The following NRXN2 variants were observed in gnomAD, a reference collection of about 807,000 sequenced individuals.
NRXN2 encodes neurexin-2-beta.
Under a neutral mutation model 128.8 loss-of-function variants are expected in NRXN2, and 29 were observed. The ratio of observed to expected loss-of-function variants is 0.23; its 90% confidence interval spans 0.17 to 0.31. The LOEUF (loss-of-function observed/expected upper bound fraction) is 0.31, where lower values mean the gene tolerates loss of function less well. Among genes scored for constraint, NRXN2 ranks in the 10% least tolerant of loss-of-function variants. NRXN2 has a pLI of 1.00. For missense variants in NRXN2, 1,881 were observed against 2,452.6 expected (o/e 0.77, Z 4.92); for synonymous variants, 1,098 against 1,075.2 (o/e 1.02, Z -0.41).
chr11:64,642,618 G>C, intron 17 of NRXN2: 1 of 1,610,096 alleles, frequency 6.2e-7, no homozygotes, highest in Non-Finnish European at 8.5e-7. Flanking sequence ...AGTGGTGGAC[G>C]TGGTGGGTGG....
In NRXN2 at chr11:64,607,370, G is replaced by A. The variant is rs778834247; in HGVS notation, c.4965C>T (p.Tyr1655=). The A allele has an allele frequency of 6.2e-6, 10 of 1,613,852 alleles. No homozygotes were observed. The highest frequency in any genetic ancestry group is 8.5e-6 in the Non-Finnish European group (10 of 1,179,962). Residue 1655 remains tyrosine, a synonymous_variant, in exon 23 of 23, where the codon TAC becomes TAT. Transcript: ENST00000265459. ...AAALCILILL[Y]AMYKYRNRDE... ...CACGATTGCGGTACTTATACATGGC[G>A]TAGAGGAGGATGAGGATGCAGAGCG...
At chr11:64,626,385 G>C in intron 20 of NRXN2, 78 bp downstream of exon 20, 1 of 1,197,724 alleles carries the variant, frequency 8.3e-7, no homozygotes, top group African/African-American at 1.5e-5. Context: ...AGGCACGGAG[G>C]GGGAAAGAGA....
chr11:64,696,991 G>C (rs1000513075), intron 3 of NRXN2, among the ~76,000 whole-genome samples: 1 of 152,184 alleles, frequency 6.6e-6, no homozygotes, highest in African/African-American at 2.4e-5. Flanking sequence ...GGGAAGGAGA[G>C]ACACATGGTC....
intron 17 of NRXN2, among the ~76,000 whole-genome samples, chr11:64,638,456 C>T (rs1233878168): frequency 6.6e-6 from 1 of 152,154 alleles, no homozygotes; most frequent in African/African-American, 2.4e-5. Flanking sequence ...GCGTGGCTTC[C>T]GCCAGGCCCC....
In NRXN2 at chr11:64,622,574, C is replaced by T. The variant is rs1339429239; in HGVS notation, c.4173+179G>A. Among the ~76,000 whole-genome samples, 1 of 152,256 alleles carries T rather than the reference C, an allele frequency of 6.6e-6. No individual in the cohort carries two copies. Among genetic ancestry groups the T allele is most frequent in the Non-Finnish European group, 1.5e-5 (1 of 68,040 alleles). On this transcript the variant is annotated intron_variant, in intron 21 of 22. Coordinates refer to ENST00000265459, the MANE Select transcript of NRXN2 (RefSeq NM_015080.4). This position sits in a 1 kb window ranked among gnomAD's most constrained non-coding sequence, Gnocchi z 4.3. ...AGATCCCTGGTCATTAGGGTGAAGGCCACTTCCTGAAAGGTGACCTTGCCC... is the reference window on the plus strand; with the variant it reads ...AGATCCCTGGTCATTAGGGTGAAGGTCACTTCCTGAAAGGTGACCTTGCCC...
At chr11:64,615,753 C>A (rs2041373737) in intron 22 of NRXN2, among the ~76,000 whole-genome samples, 1 of 152,156 alleles carries the variant, frequency 6.6e-6, no homozygotes, top group Non-Finnish European at 1.5e-5. Context: ...TGTGTGTGCC[C>A]TTCTGTGTGC....
intron 2 of NRXN2, among the ~76,000 whole-genome samples, chr11:64,706,231 T>C (rs1454293490): frequency 3.1e-5 from 4 of 127,604 alleles, no homozygotes; most frequent in Non-Finnish European, 6.3e-5. Context: ...TGCAGGTTAG[T>C]TACATATGTA....
At position 64,607,928 on chromosome 11, in the gene NRXN2, G is replaced by T. The variant is rs1304027724; in HGVS notation, c.4407C>A (p.Arg1469=). The T allele has an allele frequency of 1.9e-6, 3 of 1,551,884 alleles. No homozygotes were observed. Among genetic ancestry groups the T allele is most frequent in the African/African-American group, 2.7e-5 (2 of 73,548 alleles). ...TQDTLPPPAA[R]RPPSGGPCQA... Reference sequence around the variant, plus strand: ...GGCACGGGCCCCCAGAGGGCGGGCGGCGCGCGGCGGGCGGGGGCAGCGTGT... The same window carrying T: ...GGCACGGGCCCCCAGAGGGCGGGCGTCGCGCGGCGGGCGGGGGCAGCGTGT... The change falls in exon 23 of 23, where the codon CGC becomes CGA. Residue 1469 remains arginine (R), a synonymous_variant. Transcript: ENST00000265459.
At chr11:64,653,180 C>G (rs989318179) in intron 12 of NRXN2, among the ~76,000 whole-genome samples, 2 of 152,122 alleles carry the variant, frequency 1.3e-5, no homozygotes, top group African/African-American at 2.4e-5. Flanking sequence ...ATAGAAGGAG[C>G]CCCCATTTGG....
intron 19 of NRXN2, among the ~76,000 whole-genome samples, chr11:64,628,376 C>A (rs1037361274): frequency 6.6e-6 from 1 of 151,694 alleles, no homozygotes; most frequent in Non-Finnish European, 1.5e-5. Flanking sequence ...ATCAGAGGGT[C>A]CCCCCCCACT....
At chr11:64,618,264 T>C (rs2041829449) in intron 22 of NRXN2, among the ~76,000 whole-genome samples, 1 of 152,198 alleles carries the variant, frequency 6.6e-6, no homozygotes, top group Admixed American at 6.5e-5. Flanking sequence ...GGGCAGAGTA[T>C]GGCCCAGGTG....
intron 18 of NRXN2, among the ~76,000 whole-genome samples, chr11:64,634,544 C>A (rs1197383719): frequency 6.6e-6 from 1 of 152,036 alleles, no homozygotes; most frequent in Non-Finnish European, 1.5e-5. Context: ...GGGAAGGAAC[C>A]AAGGTCAAGG....
Position 64,607,997 on chromosome 11 carries a change from G to T in NRXN2, c.4338C>A (p.Pro1446=). The T allele has an allele frequency of 6.5e-7, 1 of 1,537,690 alleles. No individual in the cohort carries two copies. Reference sequence around the variant, plus strand: ...CCGTGAGGAAGGGGTAGAAGGTAGGGGGCGGGGGCACGAAGGGGGATCGGG... The same window carrying T: ...CCGTGAGGAAGGGGTAGAAGGTAGGTGGCGGGGGCACGAAGGGGGATCGGG... ...VATRSPFVPP[P]PTFYPFLTGV... The change falls in exon 23 of 23, where the codon CCC becomes CCA. Residue 1446 remains proline (P), a synonymous_variant. Coordinates refer to ENST00000265459, the MANE Select transcript of NRXN2 (RefSeq NM_015080.4).
intron 17 of NRXN2, among the ~76,000 whole-genome samples, chr11:64,644,372 C>A (rs1340327787): frequency 6.6e-6 from 1 of 152,110 alleles, no homozygotes; most frequent in Non-Finnish European, 1.5e-5. Context: ...AATCCTTCCT[C>A]TCCACTACCA....
rs898416749 is a variant in NRXN2, at chr11:64,648,661, C to A, written c.3283+73G>T. ...CCCTTGGCAGAGCAAAGGCTACCTG[C>A]CCCGGTCTGCCTCTGCAGCTGGCCA... is the stretch of plus-strand genomic sequence containing the variant. On this transcript the variant is annotated intron_variant, in intron 16 of 22. Coordinates refer to ENST00000265459, the MANE Select transcript of NRXN2 (RefSeq NM_015080.4). The surrounding 1 kb of genome is among the most constrained non-coding windows in gnomAD (Gnocchi z 4.1). The A allele has an allele frequency of 5.0e-6, 8 of 1,589,008 alleles. No individual in the cohort carries two copies. Among genetic ancestry groups the A allele is most frequent in the Non-Finnish European group, 6.0e-6 (7 of 1,159,118 alleles).
intron 3 of NRXN2, among the ~76,000 whole-genome samples, chr11:64,693,854 A>C (rs571332835): frequency 6.9e-4 from 105 of 152,310 alleles, no homozygotes; most frequent in Admixed American, 3.1e-3. Context: ...TACATCATTC[A>C]TAAATTACAG....
chr11:64,721,659 T>C (rs1401469863), intron 1 of NRXN2, among the ~76,000 whole-genome samples: 1 of 151,974 alleles, frequency 6.6e-6, no homozygotes. Flanking sequence ...TCTTTCTTTC[T>C]CCTTCTCTGG....
intron 21 of NRXN2, 135 bp from the exon 22 acceptor site, chr11:64,620,507 C>T: frequency 1.4e-6 from 1 of 717,658 alleles, no homozygotes; most frequent in Non-Finnish European, 2.5e-6. Flanking sequence ...TGAGTCCCAG[C>T]CCTCCCATCT....
Position 64,653,714 on chromosome 11 carries a change from G to A in NRXN2, c.2398C>T (p.Arg800Cys), listed in dbSNP as rs1451669556. The A allele has an allele frequency of 7.5e-6, 12 of 1,595,020 alleles. No homozygotes were observed. The highest frequency in any genetic ancestry group is 1.7e-4 in the Middle Eastern group (1 of 6,026). ...MKLTVNLDCL[R>C]VGCAPSKGPE... Reference sequence around the variant, plus strand: ...CACTTACTGGGTGCGCAGCCGACGCGCAGGCAGTCTGGGGGGGCCATGGGG... The same window carrying A: ...CACTTACTGGGTGCGCAGCCGACGCACAGGCAGTCTGGGGGGGCCATGGGG... The change falls in exon 12 of 23, where the codon CGC (arginine) becomes TGC (cysteine). Residue 800 changes from arginine to cysteine, a missense_variant. Coordinates refer to ENST00000265459, the MANE Select transcript of NRXN2 (RefSeq NM_015080.4).
Sources: allele counts gnomAD v4.1 joint callset (sites outside exome capture counted in the v4.1 genomes callset), GRCh38; gene constraint gnomAD v4.1.1; non-coding constraint Gnocchi (gnomAD v3.1); transcripts MANE v1.5; gene names NCBI Gene and HGNC (gene_info 2026-07-23, HGNC 2026-07-21).